SMCO1: variants seen among roughly 807,000 people sequenced by gnomAD.
SMCO1 encodes single-pass membrane and coiled-coil domain-containing protein 1.
Under a neutral mutation model 7.5 loss-of-function variants are expected in SMCO1, and 9 were observed. The observed-to-expected ratio is 1.20, with a 90% CI of 0.72 to 2.09. The LOEUF (loss-of-function observed/expected upper bound fraction) is 2.09. Ranked by LOEUF, SMCO1 falls within the 30% of genes most tolerant of loss-of-function variation. The probability of loss-of-function intolerance (pLI) is 0.00; values close to 1 mark genes in which losing one functional copy is unlikely to be tolerated. For synonymous variants in SMCO1, 90 were observed against 93.8 expected, an observed-to-expected ratio of 0.96 and a Z score of 0.23; for missense variants, 219 against 253.1, an observed-to-expected ratio of 0.87 and a Z score of 0.91.
At chr3:196,517,102 C>T (rs1409786490), upstream of SMCO1, among the ~76,000 whole-genome samples, 4 of 49,044 alleles carry the variant, frequency 8.2e-5, no homozygotes, top group African/African-American at 1.1e-4. Context: ...GAGACTCCAT[C>T]GCAAAAAAAA....
rs1427577811 is a variant in SMCO1 at position 196,507,890 on chromosome 3, G to C, written c.642C>G (p.Asn214Lys). 1 of 1,601,166 alleles carries C rather than the reference G, an allele frequency of 6.2e-7. No homozygotes were observed. Among genetic ancestry groups the C allele is most frequent in the Non-Finnish European group, 8.5e-7 (1 of 1,171,864 alleles). The change falls in exon 3 of 3, where the codon AAC (asparagine) becomes AAG (lysine). Residue 214 changes from asparagine (N) to lysine (K), a missense_variant. Asn to Lys is a moderately conservative substitution (Grantham distance 94, BLOSUM62 0). Transcript: ENST00000397537. ...SLEELIPSVK[N>K] Reference sequence around the variant, plus strand: ...CACTGGGTCATAGGGTAACAGGTTAGTTTTTGACAGATGGTATCAACTCTT... The same window carrying C: ...CACTGGGTCATAGGGTAACAGGTTACTTTTTGACAGATGGTATCAACTCTT...
chr3:196,512,993 G>T (rs1205313179), intron 1 of SMCO1, among the ~76,000 whole-genome samples: 1 of 152,106 alleles, frequency 6.6e-6, no homozygotes, highest in Non-Finnish European at 1.5e-5. Flanking sequence ...ATAGAAGCCT[G>T]TGTGACCTGA....
rs771577419 is a variant in SMCO1, at chr3:196,509,574, GC to G, written c.145del (p.Ala49LeufsTer25). ...ATCTTGGGCTGCTTGGCTTGCCAAA[GC>G]CTTACTATGATGTTCGAATTTCTGC... ...LMQKFEHHSKALASQAAQDEM... is the reference protein window; with the variant it reads ...LMQKFEHHSKXLASQAAQDEM... On this transcript the variant is annotated frameshift_variant, in exon 2 of 3. Coordinates refer to ENST00000397537, the MANE Select transcript of SMCO1 (RefSeq NM_001077657.3). LOFTEE classifies it high-confidence loss of function. The G allele has an allele frequency of 2.7e-5, 44 of 1,613,978 alleles. No individual in the cohort carries two copies. The highest frequency in any genetic ancestry group is 1.3e-4 in the Admixed American group (8 of 59,982).
At chr3:196,508,805 C>T (rs925299868) in intron 2 of SMCO1, among the ~76,000 whole-genome samples, 18 of 150,112 alleles carry the variant, frequency 1.2e-4, no homozygotes, top group South Asian at 4.3e-4. Context: ...GGCATGGTGG[C>T]GGGCGCCTGT....
At chr3:196,508,484 C>A (rs1283687735) in intron 2 of SMCO1, among the ~76,000 whole-genome samples, 153 bp from the exon 3 acceptor site, 1 of 152,026 alleles carries the variant, frequency 6.6e-6, no homozygotes, top group African/African-American at 2.4e-5. Flanking sequence ...AATTCAAATT[C>A]AAATACTTAC....
At position 196,508,187 on chromosome 3, in the gene SMCO1, G is replaced by T; in HGVS notation, c.345C>A (p.Asn115Lys). 6.2e-7 allele frequency: 1 copy of T among 1,614,144 alleles called. No homozygotes were observed. The highest frequency in any genetic ancestry group is 8.5e-7 in the Non-Finnish European group (1 of 1,180,034). Residue 115 changes from asparagine to lysine, a missense_variant, in exon 3 of 3, where the codon AAC (asparagine) becomes AAA (lysine). Asn to Lys is a moderately conservative substitution (Grantham distance 94). Coordinates refer to ENST00000397537, the MANE Select transcript of SMCO1 (RefSeq NM_001077657.3). ...LASVLRRKVK[N>K]KRVRVVWESI... ...ACTCCCATACAACTCTAACGCGCTT[G>T]TTCTTAACTTTTCTTCTGAGTACAG...
Position 196,509,607 on chromosome 3 carries a change from T to A in SMCO1, c.113A>T (p.Asn38Ile), listed in dbSNP as rs1484641437. Residue 38 changes from asparagine (N) to isoleucine (I), a missense_variant, in exon 2 of 3, where the codon AAC becomes ATC. Physicochemically the swap from Asn to Ile is moderately radical, Grantham distance 149. Coordinates refer to ENST00000397537, the MANE Select transcript of SMCO1 (RefSeq NM_001077657.3). Reference sequence around the variant, plus strand: ...ATGATGTTCGAATTTCTGCATCAGGTTATCCTTGGTGAAGTCTAGTTCTTT... The same window carrying A: ...ATGATGTTCGAATTTCTGCATCAGGATATCCTTGGTGAAGTCTAGTTCTTT... ...QFKELDFTKD[N>I]LMQKFEHHSK... is the part of the protein sequence containing the mutation. 1 of 1,614,000 alleles carries A rather than the reference T, an allele frequency of 6.2e-7. No homozygotes were observed. The highest frequency in any genetic ancestry group is 8.5e-7 in the Non-Finnish European group (1 of 1,179,996).
At chr3:196,517,694 G>A (rs1733419802), upstream of SMCO1, among the ~76,000 whole-genome samples, 1 of 151,734 alleles carries the variant, frequency 6.6e-6, no homozygotes, top group African/African-American at 2.4e-5. Context: ...TCTTGAGATG[G>A]ACTCTCACTC....
In SMCO1 at chr3:196,508,351, C is replaced by A; in HGVS notation, c.201-20G>T. 1 of 1,558,468 alleles carries A rather than the reference C, an allele frequency of 6.4e-7. No individual in the cohort carries two copies. Among genetic ancestry groups the A allele is most frequent in the South Asian group, 1.2e-5 (1 of 82,572 alleles). On this transcript the variant is annotated intron_variant, in intron 2 of 2. Coordinates refer to ENST00000397537, the MANE Select transcript of SMCO1 (RefSeq NM_001077657.3). Reference sequence around the variant, plus strand: ...GTGAGCCTACAAAAAATATGGAGAGCTTCTTAAGCGGTCAAAAATATTTTA... The same window carrying A: ...GTGAGCCTACAAAAAATATGGAGAGATTCTTAAGCGGTCAAAAATATTTTA...
upstream of SMCO1, among the ~76,000 whole-genome samples, chr3:196,516,356 G>GTC (rs927167344): frequency 6.6e-6 from 1 of 151,898 alleles, no homozygotes; most frequent in African/African-American, 2.4e-5. Context: ...GGCCTTAAAG[G>GTC]TCAAGGTCTT....
chr3:196,519,685 C>A (rs1248996681), upstream of SMCO1, among the ~76,000 whole-genome samples: 5 of 152,188 alleles, frequency 3.3e-5, no homozygotes, highest in African/African-American at 9.7e-5. Context: ...CCAGCACATT[C>A]CCTCCGTTAA....
At chr3:196,516,572 T>C (rs1281566105), upstream of SMCO1, among the ~76,000 whole-genome samples, 2 of 152,234 alleles carry the variant, frequency 1.3e-5, no homozygotes, top group South Asian at 2.1e-4. Context: ...CTGAATACTT[T>C]ATTCACTTAT....
At position 196,509,552 on chromosome 3, in the gene SMCO1, T is replaced by C. The variant is rs756821711; in HGVS notation, c.168A>G (p.Gln56=). 59 of 1,614,112 alleles carry C rather than the reference T, an allele frequency of 3.7e-5. No homozygotes were observed. Among genetic ancestry groups the C allele is most frequent in the Non-Finnish European group, 4.9e-5 (58 of 1,179,978 alleles). Residue 56 remains glutamine, a synonymous_variant, in exon 2 of 3, where the codon CAA becomes CAG. Coordinates refer to ENST00000397537, the MANE Select transcript of SMCO1 (RefSeq NM_001077657.3). The stretch of plus-strand genomic sequence containing the variant: ...CCCGAACTGCTGTCCACATCTCATC[T>C]TGGGCTGCTTGGCTTGCCAAAGCCT... ...HSKALASQAA[Q]DEMWTAVRAL...
chr3:196,510,373 T>A (rs1440250980), intron 1 of SMCO1, among the ~76,000 whole-genome samples: 2 of 152,188 alleles, frequency 1.3e-5, no homozygotes, highest in African/African-American at 4.8e-5. Context: ...TTAAAGAAAT[T>A]GAGTCTCAAG....
At chr3:196,515,582 T>C (rs1380588846), upstream of SMCO1, among the ~76,000 whole-genome samples, 2 of 152,198 alleles carry the variant, frequency 1.3e-5, no homozygotes, top group Non-Finnish European at 2.9e-5. Flanking sequence ...TTGATGGAAA[T>C]ATTACTGTCA....
intron 1 of SMCO1, among the ~76,000 whole-genome samples, chr3:196,510,739 G>A (rs977843248): frequency 5.3e-5 from 8 of 152,004 alleles, no homozygotes; most frequent in African/African-American, 9.7e-5. Flanking sequence ...CCCATCTCCC[G>A]CCTCCTGCTT....
chr3:196,509,123 C>G (rs181540504), intron 2 of SMCO1, among the ~76,000 whole-genome samples: 1 of 143,790 alleles, frequency 7.0e-6, no homozygotes, highest in Non-Finnish European at 1.5e-5. Flanking sequence ...GATCTCGGCT[C>G]ACTGCAAGCT....
At chr3:196,509,721 GT>G in intron 1 of SMCO1, 52 bp from the exon 2 acceptor site, 2 of 1,482,380 alleles carry the variant, frequency 1.3e-6, no homozygotes, top group South Asian at 1.3e-5. Context: ...CAAAACTAAG[GT>G]TTTGATTTAA....
Position 196,507,966 on chromosome 3 carries a change from A to C in SMCO1, c.566T>G (p.Ile189Ser), listed in dbSNP as rs371825571. The change falls in exon 3 of 3, where the codon ATT (isoleucine) becomes AGT (serine). Residue 189 changes from isoleucine to serine, a missense_variant. Coordinates refer to ENST00000397537, the MANE Select transcript of SMCO1 (RefSeq NM_001077657.3). ...GGTCCTAACTGCTTTCCCCTTCTCA[A>C]TTACCTGCACAGCCCTCAGCAAACT... ...QDSLLRAVQVIEKGKAVRTPE... is the reference protein window; with the variant it reads ...QDSLLRAVQVSEKGKAVRTPE... The C allele has an allele frequency of 8.1e-6, 13 of 1,613,942 alleles. No individual in the cohort carries two copies. The highest frequency in any genetic ancestry group is 9.3e-6 in the Non-Finnish European group (11 of 1,180,028).
Sources: gnomAD v4.1 joint callset for allele counts (sites outside exome capture counted in the v4.1 genomes callset) on GRCh38, gnomAD v4.1.1 for gene constraint, MANE v1.5 for transcripts, NCBI Gene and HGNC (gene_info 2026-07-23, HGNC 2026-07-21) for gene names.